GRID2: variants seen among roughly 807,000 people sequenced by gnomAD.
The protein encoded by GRID2 is glutamate receptor ionotropic, delta-2.
Under a neutral mutation model 114.8 loss-of-function variants are expected in GRID2, and 33 were observed. That is an observed-to-expected ratio of 0.29 (90% CI 0.22 to 0.38). The LOEUF (loss-of-function observed/expected upper bound fraction) is 0.38, where lower values mean the gene tolerates loss of function less well. GRID2 is among the 10% of genes least tolerant of loss of function. The pLI, the probability that GRID2 is intolerant of heterozygous loss-of-function variation, is 1.00. For missense variants in GRID2, 1,184 were observed against 1,257.7 expected, an observed-to-expected ratio of 0.94 and a Z score of 0.89; for synonymous variants, 505 against 449.9, an observed-to-expected ratio of 1.12 and a Z score of -1.55.
intron 2 of GRID2, among the ~76,000 whole-genome samples, chr4:92,728,182 T>C (rs1249465193): frequency 6.6e-6 from 1 of 152,044 alleles, no homozygotes; most frequent in Non-Finnish European, 1.5e-5. Context: ...TATAATGTGA[T>C]TGAACCTCTT....
At chr4:92,968,960 G>T in intron 2 of GRID2, among the ~76,000 whole-genome samples, 1 of 151,640 alleles carries the variant, frequency 6.6e-6, no homozygotes, top group East Asian at 1.9e-4. Flanking sequence ...ATTTCATATT[G>T]TGGTCCATTT....
intron 13 of GRID2, among the ~76,000 whole-genome samples, chr4:93,553,487 G>A (rs1733988697): frequency 6.6e-6 from 1 of 152,098 alleles, no homozygotes; most frequent in Non-Finnish European, 1.5e-5. Context: ...ATTCCTCTCA[G>A]CTGTGTGTAT....
chr4:92,847,809 G>A (rs760385598), intron 2 of GRID2, among the ~76,000 whole-genome samples: 102 of 151,880 alleles, frequency 6.7e-4, no homozygotes, highest in Admixed American at 2.2e-3. Flanking sequence ...CGAACAAATC[G>A]TGTTCCATTT....
intron 14 of GRID2, among the ~76,000 whole-genome samples, chr4:93,722,803 C>T (rs1254191836): frequency 6.6e-6 from 1 of 152,150 alleles, no homozygotes; most frequent in Non-Finnish European, 1.5e-5. Context: ...AATTGAATAC[C>T]TTTACAAACA....
intron 14 of GRID2, among the ~76,000 whole-genome samples, chr4:93,632,984 G>A (rs1721068844): frequency 6.6e-6 from 1 of 152,060 alleles, no homozygotes; most frequent in Non-Finnish European, 1.5e-5. Context: ...AAGCAATTGT[G>A]AATGGGAGTT....
intron 13 of GRID2, among the ~76,000 whole-genome samples, chr4:93,622,906 T>C (rs1199079940): frequency 6.6e-6 from 1 of 152,216 alleles, no homozygotes; most frequent in African/African-American, 2.4e-5. Context: ...CCAAAAAAAG[T>C]CTCGCATGTT....
intron 9 of GRID2, among the ~76,000 whole-genome samples, chr4:93,404,840 T>C (rs552336495): frequency 2.0e-5 from 3 of 152,262 alleles, no homozygotes; most frequent in South Asian, 2.1e-4. Context: ...TATGTAGATA[T>C]GATATTCTAT....
At chr4:92,483,128 A>G (rs1420527007) in intron 1 of GRID2, among the ~76,000 whole-genome samples, 1 of 152,118 alleles carries the variant, frequency 6.6e-6, no homozygotes, top group Non-Finnish European at 1.5e-5. Flanking sequence ...TCACAAGGTC[A>G]GGAGTTAGAA....
At chr4:93,795,089 GAC>G (rs1734769973) in intron 1 of GRID2, among the ~76,000 whole-genome samples, 1 of 151,960 alleles carries the variant, frequency 6.6e-6, no homozygotes, top group South Asian at 2.1e-4. Context: ...TTAGCATAAA[GAC>G]AAAAAACTAA....
chr4:93,189,734 G>C (rs564424695), intron 4 of GRID2, among the ~76,000 whole-genome samples: 65 of 148,566 alleles, frequency 4.4e-4, no homozygotes, highest in Non-Finnish European at 8.5e-4. Context: ...TATACAGATA[G>C]TTTTGTGTGG....
intron 2 of GRID2, among the ~76,000 whole-genome samples, chr4:92,854,398 T>C (rs1744035579): frequency 6.6e-6 from 1 of 152,032 alleles, no homozygotes; most frequent in Non-Finnish European, 1.5e-5. Context: ...GCAGAGACAT[T>C]TACTGAGAAA....
At chr4:92,954,201 GTA>G (rs1377545677) in intron 2 of GRID2, among the ~76,000 whole-genome samples, 1 of 151,720 alleles carries the variant, frequency 6.6e-6, no homozygotes, top group Non-Finnish European at 1.5e-5. Flanking sequence ...GTGTGTGTGT[GTA>G]TATATGTATA....
rs189917672 is a variant in GRID2 at position 93,481,565 on chromosome 4, G to C, written c.1859-9074G>C. 3.3e-5 allele frequency among the ~76,000 whole-genome samples: 5 copies of C among 152,170 alleles called. No individual in the cohort carries two copies. In the East Asian group the frequency reaches 9.7e-4, roughly 30 times the overall value. On this transcript the variant is annotated intron_variant, in intron 11 of 15. Coordinates refer to ENST00000282020, the MANE Select transcript of GRID2 (RefSeq NM_001510.4). Reference sequence around the variant, plus strand: ...ACTCTGTATTCATTCGGAGACTTCAGAGCAGTTAGCTGGAACCATAATCTT... The same window carrying C: ...ACTCTGTATTCATTCGGAGACTTCACAGCAGTTAGCTGGAACCATAATCTT...
intron 8 of GRID2, among the ~76,000 whole-genome samples, chr4:93,297,998 C>T (rs1579586602): frequency 6.6e-6 from 1 of 152,158 alleles, no homozygotes; most frequent in African/African-American, 2.4e-5. Context: ...TAGACTTTGG[C>T]TCTGGAATCC....
At chr4:93,630,869 C>T (rs1217569099) in intron 14 of GRID2, among the ~76,000 whole-genome samples, 5 of 152,158 alleles carry the variant, frequency 3.3e-5, no homozygotes, top group African/African-American at 1.2e-4. Context: ...GTTTTCTGGT[C>T]ACTGTACATT....
chr4:93,498,059 A>G (rs1270714136), intron 12 of GRID2, among the ~76,000 whole-genome samples: 4 of 151,822 alleles, frequency 2.6e-5, no homozygotes, highest in African/African-American at 9.7e-5. Flanking sequence ...GTGCCTAAGT[A>G]TTTCTTTTTC....
intron 1 of GRID2, among the ~76,000 whole-genome samples, chr4:92,479,705 A>T (rs1302924123): frequency 6.6e-6 from 1 of 152,186 alleles, no homozygotes; most frequent in East Asian, 1.9e-4. Context: ...GTGAATCAGG[A>T]AATAGATTAA....
At chr4:93,741,196 T>TAC (rs1731380161) in intron 14 of GRID2, among the ~76,000 whole-genome samples, 1 of 29,992 alleles carries the variant, frequency 3.3e-5, no homozygotes, top group South Asian at 1.2e-3. Context: ...TATATATATA[T>TAC]ATATGTATAT....
chr4:92,800,808 A>G (rs1203579345), intron 2 of GRID2, among the ~76,000 whole-genome samples: 2 of 151,986 alleles, frequency 1.3e-5, no homozygotes, highest in East Asian at 3.9e-4. Context: ...TTTAGACCCA[A>G]AAATGTTTTC....
Sources: gnomAD v4.1 joint callset for allele counts (sites outside exome capture counted in the v4.1 genomes callset) on GRCh38, gnomAD v4.1.1 for gene constraint, MANE v1.5 for transcripts, NCBI Gene and HGNC (gene_info 2026-07-23, HGNC 2026-07-21) for gene names.